TTLL6: variants seen among roughly 807,000 people sequenced by gnomAD.
TTLL6 encodes tubulin tyrosine ligase like 6.
TTLL6 carries 75 observed loss-of-function variants against 96.4 expected under a neutral mutation model. The observed-to-expected ratio is 0.78, with a 90% CI of 0.65 to 0.94. TTLL6 has a LOEUF of 0.94. Among genes scored for constraint, TTLL6 ranks in the 40% least tolerant of loss-of-function variants. TTLL6 has a pLI of 0.00. For synonymous variants in TTLL6, 411 were observed against 419.4 expected (o/e 0.98, Z 0.24); for missense variants, 1,030 against 1,093.0 (o/e 0.94, Z 0.81).
intron 3 of TTLL6, among the ~76,000 whole-genome samples, chr17:48,803,085 G>T (rs4438349): frequency 6.6e-6 from 1 of 150,874 alleles, no homozygotes; most frequent in Admixed American, 6.6e-5. Context: ...CAAGAAAATC[G>T]CTTGAGCCCA....
rs1170314731 is a variant in TTLL6 at position 48,762,942 on chromosome 17, G to A, written c.*32C>T. 2.2e-6 allele frequency: 1 copy of A among 456,144 alleles called. No homozygotes were observed. Among genetic ancestry groups the A allele is most frequent in the Non-Finnish European group, 4.4e-6 (1 of 226,798 alleles). The allele number at this position is 456,144 out of a possible 1,614,324, so 28.3% of individuals were successfully genotyped here. A position where few individuals can be genotyped will look rare whatever the true frequency, so the allele number is the denominator to read the frequency against. On this transcript the variant is annotated 3_prime_UTR_variant, in exon 16 of 16. Coordinates refer to ENST00000393382, the MANE Select transcript of TTLL6 (RefSeq NM_001130918.3). ...TTGTTTCCTGCAAGTTAAGAGGTAG[G>A]AAGGGAAAAGTGGCAGAGATCCAGT... is the stretch of plus-strand genomic sequence containing the variant.
At chr17:48,793,645 C>T (rs1052152776) in intron 8 of TTLL6, among the ~76,000 whole-genome samples, 16 of 151,586 alleles carry the variant, frequency 1.1e-4, no homozygotes, top group African/African-American at 3.2e-4. Flanking sequence ...GTGGATGGCA[C>T]GGGCAGCATG....
At chr17:48,765,166 C>A (rs369780262) in intron 15 of TTLL6, among the ~76,000 whole-genome samples, 1 of 152,104 alleles carries the variant, frequency 6.6e-6, no homozygotes, top group Non-Finnish European at 1.5e-5. Flanking sequence ...AATCCCAGAG[C>A]TTTGGGAAGC....
intron 8 of TTLL6, among the ~76,000 whole-genome samples, chr17:48,793,007 C>T (rs542748395): frequency 6.6e-6 from 1 of 152,240 alleles, no homozygotes; most frequent in Non-Finnish European, 1.5e-5. Context: ...CAATTTAATA[C>T]CAGCCATGTG....
intron 13 of TTLL6, among the ~76,000 whole-genome samples, chr17:48,777,926 A>T (rs1385644614): frequency 6.6e-6 from 1 of 151,962 alleles, no homozygotes; most frequent in Non-Finnish European, 1.5e-5. Context: ...GAAAAAACAT[A>T]GGAGAACATA....
At chr17:48,807,989 C>T (rs914469116) in intron 1 of TTLL6, among the ~76,000 whole-genome samples, 2 of 152,188 alleles carry the variant, frequency 1.3e-5, no homozygotes, top group Non-Finnish European at 2.9e-5. Flanking sequence ...CAGGCGCCCG[C>T]CACCACGCCC....
chr17:48,803,000 A>T (rs1416105166), intron 3 of TTLL6, among the ~76,000 whole-genome samples: 1 of 151,878 alleles, frequency 6.6e-6, no homozygotes, highest in East Asian at 1.9e-4. Context: ...AGAAACACCC[A>T]TCTCTACTAA....
At chr17:48,777,894 A>G (rs1175743065) in intron 13 of TTLL6, among the ~76,000 whole-genome samples, 2 of 151,992 alleles carry the variant, frequency 1.3e-5, no homozygotes, top group Non-Finnish European at 1.5e-5. Context: ...CTGGGAACAG[A>G]GTGAGACTCC....
At chr17:48,810,738 T>C (rs1339614186) in intron 1 of TTLL6, among the ~76,000 whole-genome samples, 1 of 140,312 alleles carries the variant, frequency 7.1e-6, no homozygotes, top group Non-Finnish European at 1.5e-5. Flanking sequence ...ATAGTATGTG[T>C]GTATATATAT....
At chr17:48,775,761 G>A (rs912926207) in intron 13 of TTLL6, among the ~76,000 whole-genome samples, 14 of 151,866 alleles carry the variant, frequency 9.2e-5, no homozygotes, top group Admixed American at 8.5e-4. Context: ...GGCTAGTCTC[G>A]ACCTCCCAAC....
intron 3 of TTLL6, 40 bp downstream of exon 3, chr17:48,803,851 G>A (rs1567734646): frequency 1.9e-6 from 3 of 1,549,628 alleles, no homozygotes; most frequent in Admixed American, 2.0e-5. Context: ...GGAGAATCCA[G>A]TGGGTCCCCA....
chr17:48,786,449 C>T, intron 11 of TTLL6, 114 bp from the exon 12 acceptor site: 1 of 1,202,508 alleles, frequency 8.3e-7, no homozygotes, highest in East Asian at 2.3e-5. Context: ...TCCACATTCC[C>T]TCCTCCAACA....
intron 13 of TTLL6, among the ~76,000 whole-genome samples, chr17:48,771,087 G>A (rs2038734801): frequency 1.3e-5 from 2 of 152,218 alleles, no homozygotes; most frequent in African/African-American, 4.8e-5. Flanking sequence ...TTACTGGCTA[G>A]AGGTAAAGTT....
intron 13 of TTLL6, among the ~76,000 whole-genome samples, chr17:48,774,234 T>G (rs1231244229): frequency 9.7e-5 from 3 of 30,862 alleles, no homozygotes; most frequent in African/African-American, 1.8e-4. Context: ...AGGTTTGTTG[T>G]TTTTTTTTTT....
intron 13 of TTLL6, among the ~76,000 whole-genome samples, chr17:48,778,631 TAA>T (rs542565908): frequency 5.6e-4 from 77 of 137,864 alleles, no homozygotes; most frequent in Middle Eastern, 3.6e-3. Flanking sequence ...CTCAGTCTCT[TAA>T]AAAAAAAAAA....
intron 8 of TTLL6, among the ~76,000 whole-genome samples, chr17:48,792,620 G>A (rs2039248180): frequency 6.6e-6 from 1 of 152,136 alleles, no homozygotes; most frequent in Non-Finnish European, 1.5e-5. Context: ...CATGCAAGGA[G>A]GGGACACTAG....
intron 6 of TTLL6, 85 bp from the exon 7 acceptor site, chr17:48,797,289 A>G: frequency 7.1e-7 from 1 of 1,417,280 alleles, no homozygotes; most frequent in Non-Finnish European, 9.5e-7. Flanking sequence ...GTTTCCATGG[A>G]GTTGGCTCCA....
chr17:48,791,092 T>G (rs773043560), intron 9 of TTLL6, among the ~76,000 whole-genome samples: 6 of 152,156 alleles, frequency 3.9e-5, no homozygotes, highest in African/African-American at 4.8e-5. Flanking sequence ...GGGAGACAAC[T>G]CTTACAAAAG....
chr17:48,785,082 G>T lies in TTLL6; in HGVS notation c.1881C>A (p.Ser627Arg). The T allele has an allele frequency of 6.2e-7, 1 of 1,614,134 alleles. No individual in the cohort carries two copies. ...CAGACGTCAGCTTGGGGAAAACAGA[G>T]CTGGCCTCCTCCGTGGGAGCCTCCT... ...LNQEAPTEEA[S>R]SVFPKLTSAK... is the part of the protein sequence containing the mutation. Residue 627 changes from serine to arginine, a missense_variant, in exon 13 of 16, where the codon AGC (serine) becomes AGA (arginine). Transcript: ENST00000393382.
Sources: gnomAD v4.1 joint callset for allele counts (sites outside exome capture counted in the v4.1 genomes callset) on GRCh38, gnomAD v4.1.1 for gene constraint, MANE v1.5 for transcripts, NCBI Gene and HGNC (gene_info 2026-07-23, HGNC 2026-07-21) for gene names.